Variants in GRK5 observed in about 807,000 individuals in gnomAD.
The protein encoded by GRK5 is G protein-coupled receptor kinase 5.
In GRK5, 40 loss-of-function variants were observed where a neutral mutation model predicts 78.4. The observed-to-expected ratio is 0.51, with a 90% CI of 0.40 to 0.66. The LOEUF (loss-of-function observed/expected upper bound fraction) is 0.66, where lower values mean the gene tolerates loss of function less well. GRK5 is among the 30% of genes least tolerant of loss of function. The probability of loss-of-function intolerance (pLI) is 0.00; values close to 1 mark genes in which losing one functional copy is unlikely to be tolerated. For synonymous variants in GRK5, 289 were observed against 296.8 expected, an observed-to-expected ratio of 0.97 and a Z score of 0.27; for missense variants, 598 against 759.9, an observed-to-expected ratio of 0.79 and a Z score of 2.50.
At chr10:119,327,868 C>T (rs754558472) in intron 2 of GRK5, among the ~76,000 whole-genome samples, 1 of 152,224 alleles carries the variant, frequency 6.6e-6, no homozygotes, top group Non-Finnish European at 1.5e-5. Flanking sequence ...CCTAAAATCC[C>T]AGGCACATCA....
In GRK5 at chr10:119,448,070, C is replaced by T. The variant is rs12721551; in HGVS notation, c.1267-53C>T. The T allele has an allele frequency of 5.4e-3, 8,040 of 1,484,244 alleles. 338 individuals are homozygous for T. In the African/African-American group the frequency reaches 0.095, roughly 18 times the overall value. 91.9% of individuals were successfully genotyped at this position (1,484,244 alleles called of 1,614,324 possible). On this transcript the variant is annotated intron_variant, in intron 12 of 15. Coordinates refer to ENST00000392870, the MANE Select transcript of GRK5 (RefSeq NM_005308.3). The stretch of plus-strand genomic sequence containing the variant: ...GCAGACACTGTGGAGGCAGGAGGTC[C>T]GGACAGGAGGAGAGGCCCAGGGGAC...
At chr10:119,439,869 G>A (rs12721552) in intron 10 of GRK5, 101 bp downstream of exon 10, 51,789 of 1,098,378 alleles carry the variant, frequency 0.047, 1,482 homozygotes, top group South Asian at 0.074. Context: ...AGCTGACCAC[G>A]GGCCCCACTC....
intron 13 of GRK5, 36 bp downstream of exon 13, chr10:119,448,296 C>T: frequency 6.4e-7 from 1 of 1,570,356 alleles, no homozygotes; most frequent in African/African-American, 1.4e-5. Context: ...CAGCTCCCTT[C>T]ACAGGGTACC....
At chr10:119,295,822 G>A (rs1362148515) in intron 1 of GRK5, among the ~76,000 whole-genome samples, 1 of 152,022 alleles carries the variant, frequency 6.6e-6, no homozygotes, top group East Asian at 1.9e-4. Flanking sequence ...GGGGGGTGGT[G>A]GGGCATAAAA....
intron 11 of GRK5, among the ~76,000 whole-genome samples, chr10:119,442,749 CAGG>C (rs1853063210): frequency 6.6e-6 from 1 of 152,232 alleles, no homozygotes; most frequent in African/African-American, 2.4e-5. Flanking sequence ...AGCAGCTGCA[CAGG>C]AGGTGTGCCT....
chr10:119,439,649 G>C (rs1852991205), intron 9 of GRK5, 82 bp from the exon 10 acceptor site: 1 of 1,376,218 alleles, frequency 7.3e-7, no homozygotes. Flanking sequence ...GGCCTGATTA[G>C]CCCGAGGGGT....
chr10:119,416,227 G>A (rs1490080047), intron 4 of GRK5, among the ~76,000 whole-genome samples: 1 of 152,240 alleles, frequency 6.6e-6, no homozygotes. Flanking sequence ...GTTTCGCACT[G>A]ATGCAGGAAA....
chr10:119,402,951 A>G (rs142957426), intron 4 of GRK5, among the ~76,000 whole-genome samples: 60 of 152,338 alleles, frequency 3.9e-4, no homozygotes, highest in African/African-American at 1.4e-3. Context: ...GTACAATTCT[A>G]TGGTTTTAAA....
chr10:119,258,543 C>T (rs1308741255), intron 1 of GRK5, among the ~76,000 whole-genome samples: 1 of 152,348 alleles, frequency 6.6e-6, no homozygotes, highest in African/African-American at 2.4e-5. Context: ...GCATTCTCAA[C>T]AGTGATGCAT....
Position 119,412,452 on chromosome 10 carries a change from C to T in GRK5, c.340-10714C>T, listed in dbSNP as rs559793876. 2.6e-5 allele frequency among the ~76,000 whole-genome samples: 4 copies of T among 152,258 alleles called. No individual in the cohort carries two copies. The highest frequency in any genetic ancestry group is 1.3e-4 in the Admixed American group (2 of 15,302). On this transcript the variant is annotated intron_variant, in intron 4 of 15. Coordinates refer to ENST00000392870, the MANE Select transcript of GRK5 (RefSeq NM_005308.3). This position sits in a 1 kb window ranked among gnomAD's most constrained non-coding sequence, Gnocchi z 4.3. Reference sequence around the variant, plus strand: ...CCAGGGTGGAGGGAGGGACAGGCCACGAGCCCGCACAGCTCGTGAGCGTGT... The same window carrying T: ...CCAGGGTGGAGGGAGGGACAGGCCATGAGCCCGCACAGCTCGTGAGCGTGT...
chr10:119,429,516 C>A (rs1385301322), intron 6 of GRK5, among the ~76,000 whole-genome samples: 1 of 150,408 alleles, frequency 6.6e-6, no homozygotes, highest in African/African-American at 2.5e-5. Context: ...GCCCTCTGCA[C>A]CGTGATGTCC....
rs542628345 is a variant in GRK5 at position 119,379,416 on chromosome 10, C to A, written c.149-1399C>A. ...TCCCTCCCGGCAAGCCATAGCTTTA[C>A]ATCCTGTGGATAAGCATTTTGAGAC... On this transcript the variant is annotated intron_variant, in intron 2 of 15. Transcript: ENST00000392870. The surrounding 1 kb of genome is among the most constrained non-coding windows in gnomAD (Gnocchi z 4.1). 3.9e-4 allele frequency among the ~76,000 whole-genome samples: 60 copies of A among 152,230 alleles called. No homozygotes were observed. Among genetic ancestry groups the A allele is most frequent in the Non-Finnish European group, 6.6e-4 (45 of 68,046 alleles).
chr10:119,310,544 T>C (rs906610586), intron 1 of GRK5, among the ~76,000 whole-genome samples: 6 of 152,224 alleles, frequency 3.9e-5, no homozygotes, highest in Admixed American at 2.6e-4. Flanking sequence ...TAAAAAATTA[T>C]TTTGCTTGGA....
chr10:119,344,753 G>A (rs1239433672), intron 2 of GRK5, among the ~76,000 whole-genome samples: 1 of 152,202 alleles, frequency 6.6e-6, no homozygotes, highest in Non-Finnish European at 1.5e-5. Flanking sequence ...TTATGTTGGT[G>A]AGAAGTTCTC....
At chr10:119,403,852 C>T (rs946026897) in intron 4 of GRK5, among the ~76,000 whole-genome samples, 13 of 152,128 alleles carry the variant, frequency 8.5e-5, no homozygotes, top group Non-Finnish European at 5.9e-5. Context: ...CCAGGCTGGT[C>T]TCGAACTCCT....
In GRK5 at chr10:119,346,671, G is replaced by C. The variant is rs1377395617; in HGVS notation, c.148+20060G>C. On this transcript the variant is annotated intron_variant, in intron 2 of 15. Transcript: ENST00000392870. ...GCACGTGCCACCTGGCTGGCCATCA[G>C]AATGCCATCAGAGAGGGCTGGCTGG... 2.0e-5 allele frequency among the ~76,000 whole-genome samples: 3 copies of C among 152,168 alleles called. No homozygotes were observed. In the East Asian group the frequency reaches 5.8e-4, roughly 29 times the overall value.
rs528064521 is a variant in GRK5 at position 119,263,353 on chromosome 10, G to GA, written c.52+55392dup. ...AAAGGCTCTGAGAAGTCCTGCAGTG[G>GA]AAAAAAAATTTTTTTTTCATTGTAT... On this transcript the variant is annotated intron_variant, in intron 1 of 15. Transcript: ENST00000392870. Among the ~76,000 whole-genome samples, 436 of 151,896 alleles carry GA rather than the reference G, an allele frequency of 2.9e-3. 3 individuals are homozygous for GA. Among genetic ancestry groups the GA allele is most frequent in the East Asian group, 0.011 (59 of 5,182 alleles).
At chr10:119,341,448 G>A (rs291975) in intron 2 of GRK5, among the ~76,000 whole-genome samples, 152,080 of 152,278 alleles carry the variant, frequency 1, 75,941 homozygotes, top group Non-Finnish European at 1. Flanking sequence ...GCCTTTGCCT[G>A]GGCTGTTCCC....
At chr10:119,359,596 T>C (rs905189517) in intron 2 of GRK5, among the ~76,000 whole-genome samples, 2 of 152,198 alleles carry the variant, frequency 1.3e-5, no homozygotes, top group East Asian at 1.9e-4. Context: ...CTGCCCCAGA[T>C]GCTGTGGCCC....
Sources: allele counts gnomAD v4.1 joint callset (sites outside exome capture counted in the v4.1 genomes callset), GRCh38; gene constraint gnomAD v4.1.1; non-coding constraint Gnocchi (gnomAD v3.1); transcripts MANE v1.5; gene names NCBI Gene and HGNC (gene_info 2026-07-23, HGNC 2026-07-21).